The following RYR3 variants were observed in gnomAD, a reference collection of about 807,000 sequenced individuals.
The protein encoded by RYR3 is brain ryanodine receptor-calcium release channel.
Under a neutral mutation model 584.3 loss-of-function variants are expected in RYR3, and 207 were observed. The observed-to-expected ratio is 0.35, with a 90% CI of 0.32 to 0.40. The LOEUF (loss-of-function observed/expected upper bound fraction) is 0.40. Ranked by LOEUF, RYR3 falls within the 10% of genes least tolerant of loss-of-function variation. RYR3 has a pLI of 1.00. For missense variants in RYR3, 5,616 were observed against 6,089.2 expected, an observed-to-expected ratio of 0.92 and a Z score of 2.59; for synonymous variants, 2,416 against 2,248.5, an observed-to-expected ratio of 1.07 and a Z score of -2.11.
At chr15:33,567,010 C>T (rs137878701) in intron 12 of RYR3, among the ~76,000 whole-genome samples, 42 of 152,252 alleles carry the variant, frequency 2.8e-4, no homozygotes, top group African/African-American at 8.7e-4. Context: ...ATGCCCAAGC[C>T]CCATTAGTTA....
At chr15:33,865,082 G>C in intron 103 of RYR3, 49 bp from the exon 104 acceptor site, 2 of 1,477,590 alleles carry the variant, frequency 1.4e-6, no homozygotes, top group East Asian at 2.3e-5. Flanking sequence ...CTGGGTTTTA[G>C]CTTTTACTGT....
intron 42 of RYR3, among the ~76,000 whole-genome samples, chr15:33,704,833 C>T (rs958315721): frequency 6.6e-6 from 1 of 152,090 alleles, no homozygotes; most frequent in Admixed American, 6.6e-5. Context: ...AAGAAATGGG[C>T]GCTTTGGGAA....
At chr15:33,526,320 C>G (rs1342590369) in intron 3 of RYR3, among the ~76,000 whole-genome samples, 1 of 152,154 alleles carries the variant, frequency 6.6e-6, no homozygotes, top group Non-Finnish European at 1.5e-5. Flanking sequence ...GCATCAGGGC[C>G]TTTTACCAGC....
At chr15:33,664,243 G>C (rs2063338923) in intron 36 of RYR3, among the ~76,000 whole-genome samples, 1 of 152,246 alleles carries the variant, frequency 6.6e-6, no homozygotes, top group African/African-American at 2.4e-5. Context: ...ATGGAGCCTG[G>C]AGAAGGGGAC....
intron 1 of RYR3, among the ~76,000 whole-genome samples, chr15:33,371,957 A>T (rs2879392): frequency 0.59 from 89,701 of 152,082 alleles, 27,071 homozygotes; most frequent in Middle Eastern, 0.71. Context: ...GCCAAGATGC[A>T]AAGACCTGGA....
chr15:33,465,229 A>G (rs1015301724), intron 1 of RYR3, among the ~76,000 whole-genome samples: 7 of 151,542 alleles, frequency 4.6e-5, no homozygotes, highest in African/African-American at 7.3e-5. Flanking sequence ...TGAGATACTT[A>G]TCACATTTTC....
At chr15:33,419,120 A>T (rs751173442) in intron 1 of RYR3, among the ~76,000 whole-genome samples, 2 of 152,096 alleles carry the variant, frequency 1.3e-5, no homozygotes, top group African/African-American at 2.4e-5. Flanking sequence ...GAGATTAGAG[A>T]TATAAAAGCG....
intron 27 of RYR3, among the ~76,000 whole-genome samples, chr15:33,643,777 C>T (rs2061956774): frequency 6.6e-6 from 1 of 152,078 alleles, no homozygotes; most frequent in South Asian, 2.1e-4. Flanking sequence ...TTAAGGTATA[C>T]AACGTGATGT....
intron 16 of RYR3, among the ~76,000 whole-genome samples, chr15:33,600,672 G>A (rs564325102): frequency 2.6e-5 from 4 of 152,062 alleles, no homozygotes; most frequent in Non-Finnish European, 4.4e-5. Context: ...GGGAGAAGGA[G>A]AGCGGGTAAA....
At position 33,670,500 on chromosome 15, in the gene RYR3, A is replaced by T. The variant is rs1303636912; in HGVS notation, c.5804A>T (p.Lys1935Ile). The change falls in exon 38 of 104, where the codon AAA becomes ATA. Residue 1935 changes from lysine to isoleucine, a missense_variant. Transcript: ENST00000634891. Reference sequence around the variant, plus strand: ...CTCTGTGCCTTGGTTTACAAAATCAAAGGCCCACCCAAGCCAGAGAAGGAG... The same window carrying T: ...CTCTGTGCCTTGGTTTACAAAATCATAGGCCCACCCAAGCCAGAGAAGGAG... Reference protein sequence around the residue: ...GKLCALVYKIKGPPKPEKEQP... With the variant: ...GKLCALVYKIIGPPKPEKEQP... The T allele has an allele frequency of 6.2e-7, 1 of 1,608,964 alleles. No homozygotes were observed. Among genetic ancestry groups the T allele is most frequent in the Non-Finnish European group, 8.5e-7 (1 of 1,178,536 alleles).
At chr15:33,768,856 T>C in intron 61 of RYR3, 149 bp downstream of exon 61, 1 of 801,666 alleles carries the variant, frequency 1.2e-6, no homozygotes. Context: ...TGAAGCATGA[T>C]AAATGACCTC....
intron 1 of RYR3, among the ~76,000 whole-genome samples, chr15:33,466,689 A>T (rs1338759637): frequency 6.6e-6 from 1 of 152,244 alleles, no homozygotes; most frequent in African/African-American, 2.4e-5. Flanking sequence ...GGTCTATTGT[A>T]GAAGCAAACA....
chr15:33,838,957 A>G lies in RYR3; in HGVS notation c.12977A>G (p.Gln4326Arg). Residue 4326 changes from glutamine (Q) to arginine (R), a missense_variant and splice_region_variant, in exon 89 of 104, where the codon CAG becomes CGG. Gln to Arg is a conservative substitution (Grantham distance 43). Around this residue, in one of 9 missense-constraint regions of RYR3, gnomAD observed 918 missense variants for 887.4 expected, o/e 1.03. Coordinates refer to ENST00000634891, the MANE Select transcript of RYR3 (RefSeq NM_001036.6). Reference sequence around the variant, plus strand: ...ACTGTACAGAAGAAGAGGAAAGCTCAGGTAAGTGTCATTTGTTTCTTTCAT... The same window carrying G: ...ACTGTACAGAAGAAGAGGAAAGCTCGGGTAAGTGTCATTTGTTTCTTTCAT... Reference protein sequence around the residue: ...ESTVQKKRKAQAAEMKAANEA... With the variant: ...ESTVQKKRKARAAEMKAANEA... 1 of 1,600,210 alleles carries G rather than the reference A, an allele frequency of 6.2e-7. No individual in the cohort carries two copies. Among genetic ancestry groups the G allele is most frequent in the Non-Finnish European group, 8.5e-7 (1 of 1,174,386 alleles).
At chr15:33,826,405 A>G in intron 83 of RYR3, 136 bp downstream of exon 83, 1 of 908,794 alleles carries the variant, frequency 1.1e-6, no homozygotes. Context: ...TACTTAATTA[A>G]AGAAGTGTCT....
intron 67 of RYR3, among the ~76,000 whole-genome samples, chr15:33,795,820 C>A (rs991736722): frequency 6.6e-6 from 1 of 151,824 alleles, no homozygotes; most frequent in African/African-American, 2.4e-5. Flanking sequence ...CATGAGCCAC[C>A]GCACCCGACC....
intron 93 of RYR3, among the ~76,000 whole-genome samples, chr15:33,846,355 A>G (rs1196287318): frequency 1.3e-5 from 2 of 152,208 alleles, no homozygotes; most frequent in Non-Finnish European, 2.9e-5. Context: ...ACACAAAGGC[A>G]TGAATTCCAG....
intron 1 of RYR3, among the ~76,000 whole-genome samples, chr15:33,325,887 C>T (rs370337210): frequency 6.6e-6 from 1 of 151,986 alleles, no homozygotes. Flanking sequence ...CTGCAGCCTC[C>T]ATCTCTCGAT....
At chr15:33,700,119 AAAT>A (rs1391198447) in intron 41 of RYR3, among the ~76,000 whole-genome samples, 1 of 152,218 alleles carries the variant, frequency 6.6e-6, no homozygotes, top group Non-Finnish European at 1.5e-5. Flanking sequence ...ATGGTTTACA[AAAT>A]GCCCCTGGGA....
chr15:33,594,007 G>C (rs1241743266), intron 16 of RYR3, among the ~76,000 whole-genome samples: 4 of 152,184 alleles, frequency 2.6e-5, no homozygotes, highest in Non-Finnish European at 4.4e-5. Context: ...GCTGAGCCCA[G>C]CCATGAATTT....
Sources: gnomAD v4.1 joint callset for allele counts (sites outside exome capture counted in the v4.1 genomes callset) on GRCh38, gnomAD v4.1.1 for gene constraint, gnomAD v4.1.1 regional missense constraint, MANE v1.5 for transcripts, NCBI Gene and HGNC (gene_info 2026-07-23, HGNC 2026-07-21) for gene names.